Variants in CCDC30 observed in about 807,000 individuals in gnomAD.
The protein encoded by CCDC30 is coiled-coil domain containing 30, also known as coiled-coil domain-containing protein 30.
CCDC30 carries 70 observed loss-of-function variants against 100.2 expected under a neutral mutation model. The ratio of observed to expected loss-of-function variants is 0.70; its 90% CI spans 0.58 to 0.85. CCDC30 has a LOEUF of 0.85. Ranked by LOEUF, CCDC30 falls within the 40% of genes least tolerant of loss-of-function variation. CCDC30 has a pLI of 0.00. For missense variants in CCDC30, 652 were observed against 771.2 expected (o/e 0.85, Z 1.83); for synonymous variants, 233 against 269.5 (o/e 0.86, Z 1.33).
At chr1:42,516,691 C>T (rs1339205023) in intron 6 of CCDC30, among the ~76,000 whole-genome samples, 2 of 151,946 alleles carry the variant, frequency 1.3e-5, no homozygotes, top group African/African-American at 4.8e-5. Flanking sequence ...GCTGAAATAG[C>T]ATAAGGCCCT....
At chr1:42,580,470 A>T (rs1645939616) in intron 8 of CCDC30, among the ~76,000 whole-genome samples, 1 of 152,198 alleles carries the variant, frequency 6.6e-6, no homozygotes, top group Admixed American at 6.5e-5. Context: ...GAAATATATT[A>T]GAGGGATAAT....
intron 6 of CCDC30, among the ~76,000 whole-genome samples, chr1:42,560,351 A>G (rs1645461001): frequency 6.6e-6 from 1 of 152,012 alleles, no homozygotes; most frequent in African/African-American, 2.4e-5. Flanking sequence ...TGAATCCTGG[A>G]GCTGTTTTTA....
At chr1:42,638,280 G>A (rs1176940952) in intron 12 of CCDC30, among the ~76,000 whole-genome samples, 1 of 152,120 alleles carries the variant, frequency 6.6e-6, no homozygotes. Context: ...CTTGAGGCCA[G>A]GAGTTCAAGG....
chr1:42,517,659 C>G (rs1055080988), intron 6 of CCDC30, among the ~76,000 whole-genome samples: 2 of 152,022 alleles, frequency 1.3e-5, no homozygotes, highest in Admixed American at 1.3e-4. Flanking sequence ...TCACCATTTA[C>G]TAGAAAACTT....
intron 1 of CCDC30, among the ~76,000 whole-genome samples, chr1:42,469,785 T>C (rs1291193503): frequency 6.6e-6 from 1 of 152,162 alleles, no homozygotes; most frequent in Non-Finnish European, 1.5e-5. Flanking sequence ...ACCTTTGTTT[T>C]ACTAGTTCTC....
chr1:42,477,318 C>T lies in CCDC30; in HGVS notation c.-91-3143C>T, dbSNP rs576005200. ...GATCTCGGCTCACTGCAACCTCTGC[C>T]TCCCGGCTTCAAGGGATTCTCCTGC... On this transcript the variant is annotated intron_variant, in intron 1 of 16. Coordinates refer to ENST00000668663, the Ensembl canonical transcript of CCDC30. Among the ~76,000 whole-genome samples the T allele has an allele frequency of 9.2e-5, 14 of 151,428 alleles. 1 individual carries two copies. The highest frequency in any genetic ancestry group is 3.4e-4 in the African/African-American group (14 of 41,188).
chr1:42,589,058 T>C (rs1022223893), intron 9 of CCDC30, among the ~76,000 whole-genome samples: 1 of 152,204 alleles, frequency 6.6e-6, no homozygotes, highest in Non-Finnish European at 1.5e-5. Flanking sequence ...GTCTTAACTG[T>C]TCTCTCTACC....
At chr1:42,573,052 TG>T (rs776722637) in intron 7 of CCDC30, among the ~76,000 whole-genome samples, 7 of 152,244 alleles carry the variant, frequency 4.6e-5, no homozygotes, top group Non-Finnish European at 8.8e-5. Context: ...CTTTTCACCT[TG>T]TTCTTCTTTT....
At chr1:42,650,929 ACAGT>A (rs757700326) in intron 15 of CCDC30, among the ~76,000 whole-genome samples, 7 of 152,268 alleles carry the variant, frequency 4.6e-5, no homozygotes, top group South Asian at 2.1e-4. Context: ...CACCTGGCCT[ACAGT>A]CAGTTAATTT....
chr1:42,574,190 G>A (rs1191646350), intron 7 of CCDC30, among the ~76,000 whole-genome samples: 2 of 152,046 alleles, frequency 1.3e-5, no homozygotes, highest in African/African-American at 2.4e-5. Context: ...AAGTTACAAT[G>A]ATTTCTTCTT....
At chr1:42,472,072 G>A (rs1157187413) in intron 1 of CCDC30, among the ~76,000 whole-genome samples, 2 of 152,094 alleles carry the variant, frequency 1.3e-5, no homozygotes, top group Admixed American at 6.5e-5. Context: ...TGACCAACAT[G>A]GTGAAACCTC....
intron 6 of CCDC30, among the ~76,000 whole-genome samples, chr1:42,506,734 T>G (rs1644400472): frequency 6.6e-6 from 1 of 152,188 alleles, no homozygotes; most frequent in South Asian, 2.1e-4. Context: ...ATTTTGAAAC[T>G]TGAAGTTTGA....
exon 17 of CCDC30, chr1:42,653,873 A>G: frequency 6.2e-7 from 1 of 1,614,142 alleles, no homozygotes; most frequent in Non-Finnish European, 8.5e-7. Flanking sequence ...GACTGAAGAG[A>G]TCAAGTCAAA....
intron 6 of CCDC30, among the ~76,000 whole-genome samples, chr1:42,528,092 C>T (rs1303347562): frequency 6.6e-6 from 1 of 152,150 alleles, no homozygotes; most frequent in Non-Finnish European, 1.5e-5. Flanking sequence ...TCTCGAACTC[C>T]TGACCTCAGG....
At chr1:42,473,063 G>A in intron 1 of CCDC30, 1 of 1,218,374 alleles carries the variant, frequency 8.2e-7, no homozygotes, top group Non-Finnish European at 1.0e-6. Context: ...TAGATATCTT[G>A]CATCCTCAGT....
chr1:42,540,204 C>T (rs1381932348), intron 6 of CCDC30, among the ~76,000 whole-genome samples: 3 of 152,068 alleles, frequency 2.0e-5, no homozygotes, highest in Non-Finnish European at 4.4e-5. Context: ...GTGTAGTTAT[C>T]CCAGAAAATC....
upstream of CCDC30, among the ~76,000 whole-genome samples, chr1:42,458,318 T>TA (rs1165681605): frequency 6.6e-6 from 1 of 152,038 alleles, no homozygotes; most frequent in Non-Finnish European, 1.5e-5. Flanking sequence ...AAGGAAGAAA[T>TA]ATGGATAAGG....
chr1:42,609,568 T>C (rs1258833299), intron 10 of CCDC30, among the ~76,000 whole-genome samples: 2 of 152,190 alleles, frequency 1.3e-5, no homozygotes, highest in African/African-American at 4.8e-5. Flanking sequence ...TTTTTGCCAA[T>C]TTAAGTTGGC....
At chr1:42,604,229 A>T (rs981403068) in intron 10 of CCDC30, among the ~76,000 whole-genome samples, 2 of 152,226 alleles carry the variant, frequency 1.3e-5, no homozygotes, top group African/African-American at 4.8e-5. Context: ...CTAAAAAATA[A>T]TAATGCCAGC....
Sources: gnomAD v4.1 joint callset for allele counts (sites outside exome capture counted in the v4.1 genomes callset) on GRCh38, gnomAD v4.1.1 for gene constraint, MANE v1.5 for transcripts, NCBI Gene and HGNC (gene_info 2026-07-23, HGNC 2026-07-21) for gene names.